RRM1: variants seen among roughly 807,000 people sequenced by gnomAD.
The protein encoded by RRM1 is ribonucleoside-diphosphate reductase large subunit.
RRM1 carries 19 observed loss-of-function variants against 101.5 expected under a neutral mutation model. The ratio of observed to expected loss-of-function variants is 0.19; its 90% CI spans 0.13 to 0.27. The LOEUF is 0.27. Ranked by LOEUF, RRM1 falls within the 10% of genes least tolerant of loss-of-function variation. The probability of loss-of-function intolerance (pLI) is 1.00; values close to 1 mark genes in which losing one functional copy is unlikely to be tolerated. For synonymous variants in RRM1, 298 were observed against 323.4 expected (o/e 0.92, Z 0.84); for missense variants, 500 against 962.9 (o/e 0.52, Z 6.36).
At chr11:4,121,901 T>A in intron 10 of RRM1, 136 bp downstream of exon 10, 1 of 817,956 alleles carries the variant, frequency 1.2e-6, no homozygotes, top group Non-Finnish European at 1.9e-6. Flanking sequence ...AGTTAAGAGA[T>A]GCCGTGCTTG....
intron 5 of RRM1, 103 bp downstream of exon 5, chr11:4,109,806 G>C: frequency 6.9e-6 from 6 of 868,894 alleles, no homozygotes; most frequent in East Asian, 2.6e-5. Flanking sequence ...AAGTTGTTTG[G>C]AGTTGAGATG....
At chr11:4,103,614 G>A (rs1444666474) in intron 2 of RRM1, among the ~76,000 whole-genome samples, 1 of 152,036 alleles carries the variant, frequency 6.6e-6, no homozygotes, top group African/African-American at 2.4e-5. Context: ...ACTGAGGTAG[G>A]CAGATTGCTT....
rs1437876082 is a variant in RRM1 at position 4,102,091 on chromosome 11, T to TA, written c.108+11dup. 7.2e-7 allele frequency: 1 copy of TA among 1,385,742 alleles called. No individual in the cohort carries two copies. Among genetic ancestry groups the TA allele is most frequent in the Non-Finnish European group, 1.0e-6 (1 of 976,348 alleles). The allele number at this position is 1,385,742 out of a possible 1,614,324, so 85.8% of individuals were successfully genotyped here. Reference sequence around the variant, plus strand: ...GGATTTTGTTGATCCTGTAAGTAAATATGGTTTTTATCTTGGGTTCCTTCT... The same window carrying TA: ...GGATTTTGTTGATCCTGTAAGTAAATAATGGTTTTTATCTTGGGTTCCTTCT... On this transcript the variant is annotated intron_variant, in intron 2 of 18. Coordinates refer to ENST00000300738, the MANE Select transcript of RRM1 (RefSeq NM_001033.5).
intron 14 of RRM1, 87 bp from the exon 15 acceptor site, chr11:4,128,987 A>G: frequency 5.8e-6 from 4 of 693,154 alleles, no homozygotes; most frequent in Non-Finnish European, 7.3e-6. Flanking sequence ...ATGTGGGGAC[A>G]TGGCAGCTAG....
rs1405081480 is a variant in RRM1 at position 4,132,632 on chromosome 11, G to GTATGAA, written c.1905+211_1905+212insTATGAA. ...TAATCTGTTGAAAGAATGAGTGAAT[G>GTATGAA]AGGGTCGAGTATGAAAGTAAGTTGT... is the stretch of plus-strand genomic sequence containing the variant. On this transcript the variant is annotated intron_variant, in intron 16 of 18. Transcript: ENST00000300738. This position sits in a 1 kb window ranked among gnomAD's most constrained non-coding sequence, Gnocchi z 4.1. 6.6e-6 allele frequency among the ~76,000 whole-genome samples: 1 copy of GTATGAA among 152,246 alleles called. No individual in the cohort carries two copies. Among genetic ancestry groups the GTATGAA allele is most frequent in the Non-Finnish European group, 1.5e-5 (1 of 68,040 alleles).
At chr11:4,122,300 C>T in intron 11 of RRM1, 80 bp downstream of exon 11, 2 of 1,051,486 alleles carry the variant, frequency 1.9e-6, no homozygotes, top group Non-Finnish European at 1.4e-6. Context: ...ATCAAAAGTA[C>T]TTGTCAAGAA....
chr11:4,096,890 T>C (rs1347427848), intron 1 of RRM1, among the ~76,000 whole-genome samples: 2 of 152,112 alleles, frequency 1.3e-5, no homozygotes, highest in South Asian at 2.1e-4. Flanking sequence ...GAATTGAAAA[T>C]GTATGGACTT....
At position 4,094,971 on chromosome 11, in the gene RRM1, AG is replaced by A; in HGVS notation, c.-41del. On this transcript the variant is annotated 5_prime_UTR_variant, in exon 1 of 19. Coordinates refer to ENST00000300738, the MANE Select transcript of RRM1 (RefSeq NM_001033.5). Reference sequence around the variant, plus strand: ...GATCCCGCCGGCGCTTTAGAGCCGCAGTCCAGTCTTGGATCCTTCAGAGCCT... The same window carrying A: ...GATCCCGCCGGCGCTTTAGAGCCGCATCCAGTCTTGGATCCTTCAGAGCCT... 2.6e-6 allele frequency: 4 copies of A among 1,554,088 alleles called. No individual in the cohort carries two copies. The highest frequency in any genetic ancestry group is 3.5e-6 in the Non-Finnish European group (4 of 1,148,428).
intron 12 of RRM1, among the ~76,000 whole-genome samples, chr11:4,124,242 C>T (rs1420094266): frequency 1.3e-5 from 2 of 152,084 alleles, no homozygotes; most frequent in Non-Finnish European, 2.9e-5. Flanking sequence ...CTTCTGGTTA[C>T]AGAGTGTCTT....
Position 4,132,462 on chromosome 11 carries a change from A to C in RRM1, c.1905+41A>C. The C allele has an allele frequency of 6.2e-7, 1 of 1,608,340 alleles. No individual in the cohort carries two copies. Among genetic ancestry groups the C allele is most frequent in the Non-Finnish European group, 8.5e-7 (1 of 1,176,326 alleles). On this transcript the variant is annotated intron_variant, in intron 16 of 18. Coordinates refer to ENST00000300738, the MANE Select transcript of RRM1 (RefSeq NM_001033.5). This position sits in a 1 kb window ranked among gnomAD's most constrained non-coding sequence, Gnocchi z 4.1. ...CCAGCCTTACAGGGAGATCTTTCAAAAGCCTGATGTTGGGAGTAAATGCTC... is the reference window on the plus strand; with the variant it reads ...CCAGCCTTACAGGGAGATCTTTCAACAGCCTGATGTTGGGAGTAAATGCTC...
Position 4,107,476 on chromosome 11 carries a change from G to A in RRM1, c.328G>A (p.Gly110Ser). The change falls in exon 4 of 19, where the codon GGC becomes AGC. Residue 110 changes from glycine to serine, a missense_variant. Physicochemically the swap from Gly to Ser is moderately conservative, Grantham distance 56. Coordinates refer to ENST00000300738, the MANE Select transcript of RRM1 (RefSeq NM_001033.5). ...DLYNYINPHN[G>S]KHSPMVAKST... ...CTATAACTACATAAATCCACATAAT[G>A]GCAAACACTCTCCCATGGTGGCCAA... 1 of 1,613,556 alleles carries A rather than the reference G, an allele frequency of 6.2e-7. No homozygotes were observed. The highest frequency in any genetic ancestry group is 1.7e-5 in the Admixed American group (1 of 60,016).
chr11:4,118,643 T>A (rs368398933), intron 8 of RRM1, among the ~76,000 whole-genome samples, 182 bp downstream of exon 8: 2 of 152,206 alleles, frequency 1.3e-5, no homozygotes, highest in African/African-American at 4.8e-5. Context: ...ATATTAGATA[T>A]TTAGATTTGA....
At chr11:4,109,983 C>T (rs749977971) in intron 5 of RRM1, among the ~76,000 whole-genome samples, 6 of 151,974 alleles carry the variant, frequency 3.9e-5, no homozygotes, top group Admixed American at 2.6e-4. Context: ...AGTATTTTTG[C>T]GTTGATAGGC....
chr11:4,131,277 C>G (rs565997471), intron 15 of RRM1, among the ~76,000 whole-genome samples: 2 of 152,186 alleles, frequency 1.3e-5, no homozygotes, highest in Non-Finnish European at 2.9e-5. Context: ...TGAGGGTAAC[C>G]TCCTCTGTGA....
At chr11:4,111,059 C>T (rs1246008800) in intron 5 of RRM1, among the ~76,000 whole-genome samples, 3 of 149,224 alleles carry the variant, frequency 2.0e-5, no homozygotes, top group East Asian at 4.0e-4. Context: ...AATTTTCATG[C>T]AGTCTCTGCC....
chr11:4,136,069 C>G (rs2094609152), intron 18 of RRM1, among the ~76,000 whole-genome samples: 2 of 151,710 alleles, frequency 1.3e-5, no homozygotes, highest in African/African-American at 4.8e-5. Context: ...AAATGTTTGA[C>G]CTTTCCAAAG....
At chr11:4,134,261 C>T (rs911439845) in intron 17 of RRM1, among the ~76,000 whole-genome samples, 16 of 152,210 alleles carry the variant, frequency 1.1e-4, no homozygotes, top group Non-Finnish European at 2.1e-4. Context: ...CATGAGCCAC[C>T]GTGCCTGGCC....
intron 12 of RRM1, 127 bp from the exon 13 acceptor site, chr11:4,126,557 G>A: frequency 1.4e-6 from 1 of 724,100 alleles, no homozygotes; most frequent in Non-Finnish European, 2.2e-6. Context: ...ATGATGAAGA[G>A]GGAGAAGTCA....
intron 8 of RRM1, among the ~76,000 whole-genome samples, chr11:4,118,909 T>C (rs866713451): frequency 6.6e-6 from 1 of 152,214 alleles, no homozygotes; most frequent in Non-Finnish European, 1.5e-5. Context: ...AGTGAGGAAA[T>C]TGAGACTTAG....
Sources: gnomAD v4.1 joint callset for allele counts (sites outside exome capture counted in the v4.1 genomes callset) on GRCh38, gnomAD v4.1.1 for gene constraint, Gnocchi (gnomAD v3.1) non-coding constraint, MANE v1.5 for transcripts, NCBI Gene and HGNC (gene_info 2026-07-23, HGNC 2026-07-21) for gene names.